NEK11: variants seen among roughly 807,000 people sequenced by gnomAD.
The protein encoded by NEK11 is NIMA related kinase 11, also known as serine/threonine-protein kinase Nek11.
A neutral mutation model predicts 80.7 loss-of-function variants in NEK11; 72 were observed. The observed-to-expected ratio is 0.89, with a 90% CI of 0.74 to 1.08. The LOEUF (loss-of-function observed/expected upper bound fraction) is 1.08, where lower values mean the gene tolerates loss of function less well. Ranked by LOEUF, NEK11 falls within the 50% of genes least tolerant of loss-of-function variation. The probability of loss-of-function intolerance (pLI) is 0.00; values close to 1 mark genes in which losing one functional copy is unlikely to be tolerated. For synonymous variants in NEK11, 251 were observed against 260.7 expected, an observed-to-expected ratio of 0.96 and a Z score of 0.36; for missense variants, 764 against 763.6, an observed-to-expected ratio of 1.00 and a Z score of -0.01.
In NEK11 at chr3:131,228,431, G is replaced by A. The variant is rs571929417; in HGVS notation, c.1400-97G>A. ...TACACTCCATGGAAGCTTTGTCAAC[G>A]CAAGCAAAATATACATCCCTGTGAA... On this transcript the variant is annotated intron_variant, in intron 14 of 17. Transcript: ENST00000383366. 3.0e-5 allele frequency: 33 copies of A among 1,115,576 alleles called. No individual in the cohort carries two copies. In the South Asian group the frequency reaches 3.3e-4, roughly 11 times the overall value. The allele number at this position is 1,115,576 out of a possible 1,614,324, so 69.1% of individuals were successfully genotyped here.
chr3:131,074,956 G>A (rs1320640945), intron 3 of NEK11, among the ~76,000 whole-genome samples: 1 of 152,146 alleles, frequency 6.6e-6, no homozygotes, highest in Non-Finnish European at 1.5e-5. Flanking sequence ...ACATGGCATG[G>A]TATTTGGCAC....
At chr3:131,123,680 G>T (rs1020403874) in intron 5 of NEK11, among the ~76,000 whole-genome samples, 1 of 151,594 alleles carries the variant, frequency 6.6e-6, no homozygotes, top group African/African-American at 2.4e-5. Context: ...TCTTCTGCTT[G>T]TCTAGTCTAG....
chr3:131,209,674 T>A (rs934527889), intron 14 of NEK11, among the ~76,000 whole-genome samples: 1 of 152,224 alleles, frequency 6.6e-6, no homozygotes, highest in Non-Finnish European at 1.5e-5. Flanking sequence ...CTGTTATTGA[T>A]CTATTCAGGG....
intron 3 of NEK11, among the ~76,000 whole-genome samples, chr3:131,040,577 A>G (rs1054313599): frequency 6.6e-6 from 1 of 152,234 alleles, no homozygotes; most frequent in African/African-American, 2.4e-5. Context: ...ATTTGCAGTT[A>G]CTAATGATAA....
intron 5 of NEK11, among the ~76,000 whole-genome samples, chr3:131,120,455 C>T (rs1333178549): frequency 6.6e-6 from 1 of 152,112 alleles, no homozygotes; most frequent in Non-Finnish European, 1.5e-5. Context: ...AATTATGTGG[C>T]TTGGAGTTGC....
chr3:131,173,126 A>G (rs2092791512), intron 14 of NEK11, among the ~76,000 whole-genome samples: 2 of 152,202 alleles, frequency 1.3e-5, no homozygotes, highest in African/African-American at 2.4e-5. Flanking sequence ...AAAAACAACT[A>G]TAAGTCTATT....
intron 3 of NEK11, among the ~76,000 whole-genome samples, chr3:131,052,919 T>C (rs751699122): frequency 1.3e-5 from 2 of 152,224 alleles, no homozygotes; most frequent in Non-Finnish European, 2.9e-5. Context: ...ACTCTTCAGA[T>C]CCTTAAATTT....
At chr3:131,106,071 T>C (rs776881983) in intron 4 of NEK11, among the ~76,000 whole-genome samples, 1 of 152,190 alleles carries the variant, frequency 6.6e-6, no homozygotes, top group East Asian at 1.9e-4. Flanking sequence ...GACCTTAATT[T>C]CTAGTGAACA....
At chr3:131,249,401 G>T (rs2095661367) in intron 16 of NEK11, among the ~76,000 whole-genome samples, 1 of 152,024 alleles carries the variant, frequency 6.6e-6, no homozygotes, top group African/African-American at 2.4e-5. Flanking sequence ...TGGGAAGATT[G>T]GTTGACAGTG....
chr3:131,102,417 T>C (rs1227407431), intron 4 of NEK11, among the ~76,000 whole-genome samples: 1 of 152,224 alleles, frequency 6.6e-6, no homozygotes, highest in Admixed American at 6.5e-5. Flanking sequence ...AAGGGTTTTA[T>C]TTCTCCTTCA....
intron 15 of NEK11, among the ~76,000 whole-genome samples, chr3:131,235,834 T>TA (rs1264314530): frequency 1.3e-5 from 2 of 152,140 alleles, no homozygotes. Context: ...AACCAGCAAA[T>TA]ATTCGTTGTA....
chr3:131,061,317 T>C (rs2070818546), intron 3 of NEK11, among the ~76,000 whole-genome samples: 1 of 152,198 alleles, frequency 6.6e-6, no homozygotes, highest in African/African-American at 2.4e-5. Context: ...CCTCATTAAG[T>C]GGTGTCAAGT....
intron 17 of NEK11, among the ~76,000 whole-genome samples, chr3:131,331,901 G>A (rs1490969688): frequency 1.9e-4 from 29 of 152,330 alleles, no homozygotes; most frequent in African/African-American, 5.8e-4. Flanking sequence ...AGGCGGCAGC[G>A]AGGCTGGGGG....
intron 7 of NEK11, among the ~76,000 whole-genome samples, chr3:131,140,260 C>T (rs1223162971): frequency 6.6e-6 from 1 of 152,062 alleles, no homozygotes; most frequent in Admixed American, 6.6e-5. Flanking sequence ...ACCCAACTAC[C>T]CTGTTGTGAG....
chr3:131,069,920 A>G lies in NEK11; in HGVS notation c.171-10503A>G, dbSNP rs977211946. ...TGCAGCGCACCAGCACGGCACATGT[A>G]TACATATGTAACTAACCTGCACAAT... On this transcript the variant is annotated intron_variant, in intron 3 of 17. Transcript: ENST00000383366. 7.9e-5 allele frequency among the ~76,000 whole-genome samples: 12 copies of G among 152,052 alleles called. No homozygotes were observed. In the South Asian group the frequency reaches 1.2e-3, roughly 16 times the overall value.
At chr3:131,204,907 A>G (rs1162386226) in intron 14 of NEK11, among the ~76,000 whole-genome samples, 1 of 151,974 alleles carries the variant, frequency 6.6e-6, no homozygotes, top group Non-Finnish European at 1.5e-5. Context: ...AGGGCATTGA[A>G]CCTTGTGACT....
At chr3:131,297,144 C>A (rs1471931740) in intron 17 of NEK11, among the ~76,000 whole-genome samples, 1 of 151,998 alleles carries the variant, frequency 6.6e-6, no homozygotes, top group Non-Finnish European at 1.5e-5. Context: ...GTCTTTATAG[C>A]AGCATGATTT....
chr3:131,085,653 A>T (rs1179011376), intron 4 of NEK11, among the ~76,000 whole-genome samples: 1 of 152,212 alleles, frequency 6.6e-6, no homozygotes, highest in East Asian at 1.9e-4. Flanking sequence ...GAATGATGTG[A>T]TAAAAGGCTC....
At chr3:131,118,612 T>A (rs2081749109) in intron 5 of NEK11, among the ~76,000 whole-genome samples, 1 of 152,210 alleles carries the variant, frequency 6.6e-6, no homozygotes, top group Admixed American at 6.5e-5. Context: ...TGGACTTTTT[T>A]TGGTTGGTAG....
Sources: gnomAD v4.1 joint callset for allele counts (sites outside exome capture counted in the v4.1 genomes callset) on GRCh38, gnomAD v4.1.1 for gene constraint, MANE v1.5 for transcripts, NCBI Gene and HGNC (gene_info 2026-07-23, HGNC 2026-07-21) for gene names.